Variants in STK32C observed in about 807,000 individuals in gnomAD.
The protein encoded by STK32C is serine/threonine-protein kinase 32C.
STK32C carries 31 observed loss-of-function variants against 56.5 expected under a neutral mutation model. That is an observed-to-expected ratio of 0.55 (90% CI 0.41 to 0.74). The LOEUF (loss-of-function observed/expected upper bound fraction) is 0.74, where lower values mean the gene tolerates loss of function less well. STK32C is among the 30% of genes least tolerant of loss of function. The pLI is 0.00. For synonymous variants in STK32C, 309 were observed against 289.4 expected, an observed-to-expected ratio of 1.07 and a Z score of -0.69; for missense variants, 544 against 676.9, an observed-to-expected ratio of 0.80 and a Z score of 2.18.
intron 1 of STK32C, among the ~76,000 whole-genome samples, chr10:132,285,949 C>T (rs1403905475): frequency 6.6e-6 from 1 of 151,958 alleles, no homozygotes. Context: ...ACAGTGAAAT[C>T]CCATCTCTAC....
In STK32C at chr10:132,290,438, C is replaced by T. The variant is rs565591301; in HGVS notation, c.262+17134G>A. Among the ~76,000 whole-genome samples, 6 of 152,344 alleles carry T rather than the reference C, an allele frequency of 3.9e-5. No homozygotes were observed. In the East Asian group the frequency reaches 5.8e-4, roughly 15 times the overall value. On this transcript the variant is annotated intron_variant, in intron 1 of 11. Transcript: ENST00000298630. The stretch of plus-strand genomic sequence containing the variant: ...TGGCTTTCTCAGCAACAGACAGAAA[C>T]GTGTTCTTGCAGCAGGTAGCACCTA...
At chr10:132,248,467 G>A (rs961232741) in intron 1 of STK32C, among the ~76,000 whole-genome samples, 21 of 152,246 alleles carry the variant, frequency 1.4e-4, no homozygotes, top group African/African-American at 5.1e-4. Flanking sequence ...GGGCGGCTCT[G>A]GGTCCAAGGA....
At chr10:132,298,704 G>A (rs1161281371) in intron 1 of STK32C, among the ~76,000 whole-genome samples, 1 of 152,080 alleles carries the variant, frequency 6.6e-6, no homozygotes, top group African/African-American at 2.4e-5. Context: ...CTGGGAGGGA[G>A]TTGAGCGCAG....
intron 8 of STK32C, 112 bp downstream of exon 8, chr10:132,224,295 C>G: frequency 1.3e-6 from 1 of 784,906 alleles, no homozygotes; most frequent in African/African-American, 1.7e-5. Context: ...GGATCTGTGC[C>G]TGCCAGGAAG....
intron 2 of STK32C, among the ~76,000 whole-genome samples, chr10:132,231,294 G>C (rs76221839): frequency 6.6e-6 from 1 of 152,078 alleles, no homozygotes; most frequent in Non-Finnish European, 1.5e-5. Context: ...GAAACAAACT[G>C]CCTGGATGGT....
At chr10:132,257,977 G>A (rs1023763425) in intron 1 of STK32C, among the ~76,000 whole-genome samples, 5 of 152,310 alleles carry the variant, frequency 3.3e-5, no homozygotes, top group Middle Eastern at 3.4e-3. Context: ...CTCAGTGCAC[G>A]GACTCCACCT....
chr10:132,292,481 GCACA>G (rs555020391), intron 1 of STK32C, among the ~76,000 whole-genome samples: 2 of 152,214 alleles, frequency 1.3e-5, no homozygotes, highest in South Asian at 2.1e-4. Context: ...ATTCATGCAT[GCACA>G]CACATTCACA....
upstream of STK32C, among the ~76,000 whole-genome samples, chr10:132,308,757 C>A (rs2066162101): frequency 6.6e-6 from 1 of 152,166 alleles, no homozygotes. Flanking sequence ...ACAGGGGCCT[C>A]GGCACTCGGC....
chr10:132,298,578 C>A (rs2065823420), intron 1 of STK32C, among the ~76,000 whole-genome samples: 1 of 151,894 alleles, frequency 6.6e-6, no homozygotes, highest in East Asian at 1.9e-4. Flanking sequence ...TGGCTTCTCG[C>A]TCCTGCTCAG....
chr10:132,298,676 GC>G (rs1361388715), intron 1 of STK32C, among the ~76,000 whole-genome samples: 4 of 152,026 alleles, frequency 2.6e-5, no homozygotes, highest in Non-Finnish European at 5.9e-5. Context: ...GGGGAGTTGA[GC>G]GCCGTGTGTG....
At chr10:132,325,325 G>A (rs1055576694) in intron 1 of STK32C, among the ~76,000 whole-genome samples, 3 of 152,062 alleles carry the variant, frequency 2.0e-5, no homozygotes, top group Non-Finnish European at 2.9e-5. Context: ...AGCCAAGACG[G>A]GTGGATCACA....
chr10:132,303,279 C>A (rs74161771), intron 1 of STK32C, among the ~76,000 whole-genome samples: 1,703 of 152,332 alleles, frequency 0.011, 27 homozygotes, highest in African/African-American at 0.039. Context: ...ATACTCCCTA[C>A]GGGCTGCAAT....
In STK32C at chr10:132,226,972, T is replaced by C. The variant is rs769032110; in HGVS notation, c.471-4A>G. The C allele has an allele frequency of 2.5e-6, 4 of 1,612,962 alleles. No homozygotes were observed. The highest frequency in any genetic ancestry group is 2.2e-5 in the East Asian group (1 of 44,876). On this transcript the variant is annotated splice_region_variant and splice_polypyrimidine_tract_variant and intron_variant, in intron 3 of 11. Coordinates refer to ENST00000298630, the MANE Select transcript of STK32C (RefSeq NM_173575.4). ...CTCCTCGTCCTGGAAGGAGTACCTG[T>C]GGGCACCGATGGAAGGCCTGTTGTG...
chr10:132,299,531 C>T lies in STK32C; in HGVS notation c.262+8041G>A, dbSNP rs1027758513. 2.6e-5 allele frequency among the ~76,000 whole-genome samples: 4 copies of T among 152,236 alleles called. No homozygotes were observed. The South Asian group carries it at 8.3e-4, about 32-fold the overall frequency. On this transcript the variant is annotated intron_variant, in intron 1 of 11. Coordinates refer to ENST00000298630, the MANE Select transcript of STK32C (RefSeq NM_173575.4). Reference sequence around the variant, plus strand: ...CTAACTGAGACCTCAGGACAAGACCCCTGGGGAGGTTTGCACCAGCCCGCA... The same window carrying T: ...CTAACTGAGACCTCAGGACAAGACCTCTGGGGAGGTTTGCACCAGCCCGCA...
intron 2 of STK32C, among the ~76,000 whole-genome samples, chr10:132,230,061 C>T (rs192162428): frequency 2.0e-5 from 3 of 152,070 alleles, no homozygotes; most frequent in South Asian, 2.1e-4. Flanking sequence ...CTCCTGAACA[C>T]GCGGCCACAC....
At chr10:132,262,814 C>T (rs994055857) in intron 1 of STK32C, among the ~76,000 whole-genome samples, 1 of 150,676 alleles carries the variant, frequency 6.6e-6, no homozygotes, top group East Asian at 1.9e-4. Context: ...ACAGCAGATC[C>T]AAATGGCCAA....
chr10:132,227,118 C>A, intron 3 of STK32C, 150 bp from the exon 4 acceptor site: 4 of 877,062 alleles, frequency 4.6e-6, no homozygotes, highest in Non-Finnish European at 7.1e-6. Flanking sequence ...GCCCAAGGCA[C>A]TGATTGCACC....
At chr10:132,279,614 C>T (rs1198151915) in intron 1 of STK32C, among the ~76,000 whole-genome samples, 1 of 151,870 alleles carries the variant, frequency 6.6e-6, no homozygotes, top group African/African-American at 2.4e-5. Flanking sequence ...CGCCCCTGCA[C>T]TCTGTAATCA....
intron 10 of STK32C, among the ~76,000 whole-genome samples, chr10:132,210,011 G>A (rs879133482): frequency 6.6e-6 from 1 of 152,114 alleles, no homozygotes; most frequent in South Asian, 2.1e-4. Context: ...CGTGTGAGTG[G>A]GTACACACCA....
Sources: gnomAD v4.1 joint callset for allele counts (sites outside exome capture counted in the v4.1 genomes callset) on GRCh38, gnomAD v4.1.1 for gene constraint, MANE v1.5 for transcripts, NCBI Gene and HGNC (gene_info 2026-07-23, HGNC 2026-07-21) for gene names.